Variants in GPSM1 observed in about 807,000 individuals in gnomAD.
GPSM1 encodes G protein signaling modulator 1.
GPSM1 carries 48 observed loss-of-function variants against 70.5 expected under a neutral mutation model. The observed-to-expected ratio is 0.68, with a 90% CI of 0.54 to 0.87. GPSM1 has a LOEUF of 0.87. GPSM1 is among the 40% of genes least tolerant of loss of function. The probability of loss-of-function intolerance (pLI) is 0.00; values close to 1 mark genes in which losing one functional copy is unlikely to be tolerated. For synonymous variants in GPSM1, 416 were observed against 430.1 expected, an observed-to-expected ratio of 0.97 and a Z score of 0.41; for missense variants, 981 against 972.6, an observed-to-expected ratio of 1.01 and a Z score of -0.11.
At chr9:136,357,064 G>T (rs1177564208) in intron 13 of GPSM1, among the ~76,000 whole-genome samples, 1 of 152,196 alleles carries the variant, frequency 6.6e-6, no homozygotes, top group East Asian at 1.9e-4. Context: ...GCCAGGGCCG[G>T]GGCTCCAGCC....
intron 3 of GPSM1, 66 bp downstream of exon 3, chr9:136,336,167 A>G: frequency 6.7e-7 from 1 of 1,486,474 alleles, no homozygotes; most frequent in Non-Finnish European, 9.2e-7. Flanking sequence ...GATCCGGGAT[A>G]GGGGCGGGCG....
In GPSM1 at chr9:136,358,139, G is replaced by A. The variant is rs1243271367; in HGVS notation, c.1947G>A (p.Arg649=). The change falls in exon 14 of 14, where the codon CGG becomes CGA. Residue 649 remains arginine (R), a synonymous_variant. Transcript: ENST00000440944. Reference sequence around the variant, plus strand: ...AGGCTAAGCGCATGGACGAGCAGCGGGTGGACCTCGCCGGGGGCCCGGAGC... The same window carrying A: ...AGGCTAAGCGCATGGACGAGCAGCGAGTGGACCTCGCCGGGGGCCCGGAGC... The part of the protein sequence containing the change: ...RVQAKRMDEQ[R]VDLAGGPEQG... 1 of 1,608,884 alleles carries A rather than the reference G, an allele frequency of 6.2e-7. No individual in the cohort carries two copies. Among genetic ancestry groups the A allele is most frequent in the African/African-American group, 1.3e-5 (1 of 74,924 alleles).
rs1832395157 is a variant in GPSM1 at position 136,341,643 on chromosome 9, C to T, written c.1207+650C>T. 1.0e-6 allele frequency: 1 copy of T among 1,004,022 alleles called. No individual in the cohort carries two copies. The highest frequency in any genetic ancestry group is 1.2e-6 in the Non-Finnish European group (1 of 840,546). 62.2% of individuals were successfully genotyped at this position (1,004,022 alleles called of 1,614,324 possible). A position where few individuals can be genotyped will look rare whatever the true frequency, so the allele number is the denominator to read the frequency against. On this transcript the variant is annotated intron_variant, in intron 9 of 13. Coordinates refer to ENST00000440944, the MANE Select transcript of GPSM1 (RefSeq NM_001145638.3). The surrounding 1 kb of genome is among the most constrained non-coding windows in gnomAD (Gnocchi z 6.7). ...GCAGGCTTGGGGGGAGCAGCTGCCC[C>T]ACCCATGTGTCCCCCACTCCCAAAG...
intron 11 of GPSM1, among the ~76,000 whole-genome samples, chr9:136,350,114 CCTCT>C (rs555540997): frequency 2.9e-3 from 449 of 152,350 alleles, no homozygotes; most frequent in African/African-American, 7.6e-3. Context: ...CTTCAGGTGG[CCTCT>C]CTCTCTGACT....
Position 136,337,436 on chromosome 9 carries a change from C to T in GPSM1, c.579-5C>T. On this transcript the variant is annotated splice_region_variant and splice_polypyrimidine_tract_variant and intron_variant, in intron 4 of 13. Coordinates refer to ENST00000440944, the MANE Select transcript of GPSM1 (RefSeq NM_001145638.3). ...GGACACGGCTCAGAGGCACTCGGCC[C>T]CCAGGAGGAACCTGTCCCTGGTGAA... The T allele has an allele frequency of 6.4e-7, 1 of 1,569,204 alleles. No individual in the cohort carries two copies. The highest frequency in any genetic ancestry group is 1.2e-5 in the South Asian group (1 of 85,324).
At chr9:136,344,274 A>T (rs1256382906) in intron 9 of GPSM1, among the ~76,000 whole-genome samples, 10 of 151,722 alleles carry the variant, frequency 6.6e-5, no homozygotes, top group Admixed American at 5.2e-4. Flanking sequence ...GCGGACAGGA[A>T]CAGGGGAAGC....
intron 4 of GPSM1, 45 bp from the exon 5 acceptor site, chr9:136,337,396 G>A (rs782664564): frequency 3.0e-5 from 47 of 1,557,518 alleles, no homozygotes; most frequent in Non-Finnish European, 4.0e-5. Flanking sequence ...GGTGGGTGAG[G>A]ACATGGGCTG....
chr9:136,332,040 G>A (rs1832112152), intron 1 of GPSM1: 2 of 398,744 alleles, frequency 5.0e-6, no homozygotes, highest in Non-Finnish European at 4.4e-6. Context: ...CCCGCCTCTG[G>A]CCCTGAGCTT....
At chr9:136,339,117 T>C (rs942473162) in intron 7 of GPSM1, among the ~76,000 whole-genome samples, 1 of 151,734 alleles carries the variant, frequency 6.6e-6, no homozygotes, top group Non-Finnish European at 1.5e-5. Context: ...AGAGGAGAGG[T>C]CTTTTGAAAG....
Position 136,352,018 on chromosome 9 carries a change from T to C in GPSM1, c.1455+2255T>C, listed in dbSNP as rs1246823439. 3.3e-5 allele frequency among the ~76,000 whole-genome samples: 5 copies of C among 151,746 alleles called. 2 individuals carry two copies. Among genetic ancestry groups the C allele is most frequent in the African/African-American group, 1.2e-4 (5 of 41,306 alleles). On this transcript the variant is annotated intron_variant, in intron 11 of 13. Transcript: ENST00000440944. ...TCAGGGAAGGGCTTTCAGCTCTCAG[T>C]TGGGGTCCTCATCTGCAAAGTGCAG...
intron 11 of GPSM1, among the ~76,000 whole-genome samples, chr9:136,350,717 G>A (rs1231578439): frequency 2.6e-5 from 4 of 152,238 alleles, no homozygotes; most frequent in Non-Finnish European, 4.4e-5. Context: ...GGAGCAGAGG[G>A]TCACAGCCCA....
chr9:136,356,739 T>G (rs556182922), intron 13 of GPSM1, among the ~76,000 whole-genome samples, 189 bp downstream of exon 13: 120 of 152,240 alleles, frequency 7.9e-4, no homozygotes, highest in Middle Eastern at 6.8e-3. Context: ...GCCCTACTCC[T>G]GGGAACCCCG....
Position 136,358,521 on chromosome 9 carries a change from A to C in GPSM1, c.*301A>C. On this transcript the variant is annotated 3_prime_UTR_variant, in exon 14 of 14. Coordinates refer to ENST00000440944, the MANE Select transcript of GPSM1 (RefSeq NM_001145638.3). ...GTCAGACTCCCGCATCCTCTCCCCC[A>C]AGCCCTTCCCGTTCTGCCCTGCCCT... 1 of 507,710 alleles carries C rather than the reference A, an allele frequency of 2.0e-6. No homozygotes were observed. 31.5% of individuals were successfully genotyped at this position (507,710 alleles called of 1,614,324 possible).
At chr9:136,351,542 A>G (rs575857750) in intron 11 of GPSM1, among the ~76,000 whole-genome samples, 1 of 152,328 alleles carries the variant, frequency 6.6e-6, no homozygotes, top group Non-Finnish European at 1.5e-5. Flanking sequence ...TCTAGAAAGC[A>G]CAGCCTCTGA....
chr9:136,338,914 C>A (rs1169545167), intron 7 of GPSM1, among the ~76,000 whole-genome samples: 1 of 152,174 alleles, frequency 6.6e-6, no homozygotes, highest in Non-Finnish European at 1.5e-5. Flanking sequence ...CGGGTGGGGT[C>A]CCCCTCCCAT....
At chr9:136,352,517 G>A (rs996615811) in intron 11 of GPSM1, among the ~76,000 whole-genome samples, 16 of 152,246 alleles carry the variant, frequency 1.1e-4, no homozygotes, top group African/African-American at 1.9e-4. Context: ...GCTGGAGACA[G>A]TGTAGGTCCA....
chr9:136,358,162 A>AGCAGGGG lies in GPSM1; in HGVS notation c.1976_1982dup (p.Pro663ArgfsTer353). 1 of 1,592,216 alleles carries AGCAGGGG rather than the reference A, an allele frequency of 6.3e-7. No individual in the cohort carries two copies. Among genetic ancestry groups the AGCAGGGG allele is most frequent in the Non-Finnish European group, 8.5e-7 (1 of 1,170,814 alleles). ...CGGGTGGACCTCGCCGGGGGCCCGG[A>AGCAGGGG]GCAGGGGGCAGGCGGCCCGCCCGAG... On this transcript the variant is annotated frameshift_variant, in exon 14 of 14. Transcript: ENST00000440944. LOFTEE classifies it high-confidence loss of function.
chr9:136,337,806 G>C, intron 5 of GPSM1, 40 bp from the exon 6 acceptor site: 1 of 1,491,874 alleles, frequency 6.7e-7, no homozygotes. Context: ...AGGCCCCGGG[G>C]CTGCGCCATG....
intron 12 of GPSM1, 66 bp from the exon 13 acceptor site, chr9:136,356,276 C>T: frequency 8.1e-7 from 1 of 1,233,374 alleles, no homozygotes; most frequent in African/African-American, 1.5e-5. Context: ...CTCACTGTGG[C>T]CGCAGCCCGA....
Sources: gnomAD v4.1 joint callset for allele counts (sites outside exome capture counted in the v4.1 genomes callset) on GRCh38, gnomAD v4.1.1 for gene constraint, Gnocchi (gnomAD v3.1) non-coding constraint, MANE v1.5 for transcripts, NCBI Gene and HGNC (gene_info 2026-07-23, HGNC 2026-07-21) for gene names.